The following LPA variants were observed in gnomAD, a reference collection of about 807,000 sequenced individuals.
LPA encodes the protein lipoprotein(a), also known as apolipoprotein(a).
A neutral mutation model predicts 197.9 loss-of-function variants in LPA; 199 were observed. The ratio of observed to expected loss-of-function variants is 1.01; its 90% confidence interval spans 0.90 to 1.13. The LOEUF is 1.13. Ranked by LOEUF, LPA falls within the 50% of genes most tolerant of loss-of-function variation. The pLI is 0.00. For synonymous variants in LPA, 715 were observed against 639.5 expected, an observed-to-expected ratio of 1.12 and a Z score of -1.78; for missense variants, 1,853 against 1,785.8, an observed-to-expected ratio of 1.04 and a Z score of -0.68.
At chr6:160,534,027 C>T (rs575731194) in intron 37 of LPA, among the ~76,000 whole-genome samples, 2 of 152,280 alleles carry the variant, frequency 1.3e-5, no homozygotes, top group South Asian at 4.2e-4. Context: ...CAGGCTAGAA[C>T]TGAGGCACTC....
intron 25 of LPA, 73 bp from the exon 26 acceptor site, chr6:160,585,278 A>T: frequency 1.4e-6 from 2 of 1,414,484 alleles, no homozygotes; most frequent in South Asian, 1.1e-5. Context: ...ATGACACACA[A>T]AGTGGAATAA....
At chr6:160,566,371 A>G (rs543895576) in intron 28 of LPA, among the ~76,000 whole-genome samples, 192 of 152,362 alleles carry the variant, frequency 1.3e-3, no homozygotes, top group Non-Finnish European at 2.2e-3. Context: ...TCAACTGAGA[A>G]TATCATATCC....
intron 28 of LPA, among the ~76,000 whole-genome samples, chr6:160,573,259 GGT>G (rs1778594593): frequency 1.3e-5 from 2 of 151,852 alleles, no homozygotes. Flanking sequence ...CATTTCCAAA[GGT>G]GTGTCCAAAG....
intron 23 of LPA, 38 bp downstream of exon 23, chr6:160,590,906 C>T (rs776472721): frequency 1.7e-5 from 28 of 1,613,376 alleles, no homozygotes; most frequent in East Asian, 4.5e-5. Flanking sequence ...TTTATCCCAA[C>T]GTCCAAGGGT....
chr6:160,548,834 C>A (rs1197963616), intron 30 of LPA, among the ~76,000 whole-genome samples, 175 bp from the exon 31 acceptor site: 1 of 152,134 alleles, frequency 6.6e-6, no homozygotes, highest in Admixed American at 6.5e-5. Context: ...TTTGTGCATG[C>A]CTTTCAAAGA....
intron 22 of LPA, among the ~76,000 whole-genome samples, chr6:160,593,146 C>G (rs1440531548): frequency 6.6e-6 from 1 of 152,080 alleles, no homozygotes; most frequent in Non-Finnish European, 1.5e-5. Flanking sequence ...AAACTCCAGT[C>G]TCTCTCCTCA....
intron 28 of LPA, among the ~76,000 whole-genome samples, chr6:160,560,333 CT>C (rs1385449163): frequency 6.6e-6 from 1 of 152,090 alleles, no homozygotes; most frequent in Non-Finnish European, 1.5e-5. Context: ...TCAAATGGTA[CT>C]TCTGGTTCTA....
At chr6:160,555,242 AT>A (rs1778234951) in intron 30 of LPA, among the ~76,000 whole-genome samples, 1 of 76,886 alleles carries the variant, frequency 1.3e-5, no homozygotes, top group African/African-American at 5.7e-5. Context: ...TATATTAATT[AT>A]ATTATATTAT....
At position 160,595,498 on chromosome 6, in the gene LPA, C is replaced by T. The variant is rs754922180; in HGVS notation, c.3325G>A (p.Glu1109Lys). Residue 1109 changes from glutamate to lysine, a missense_variant, in exon 21 of 39, where the codon GAG (glutamate) becomes AAG (lysine). Physicochemically the swap from Glu to Lys is moderately conservative, Grantham distance 56. Coordinates refer to ENST00000316300, the MANE Select transcript of LPA (RefSeq NM_005577.4). The part of the protein sequence containing the change: ...TRNYCRNPDA[E>K]IRPWCYTMDP... ...ATGGTGTAACACCAAGGGCGAATCT[C>T]AGCATCTGGATTCCTGCAGTAGTTC... is the stretch of plus-strand genomic sequence containing the variant. 8 of 1,614,016 alleles carry T rather than the reference C, an allele frequency of 5.0e-6. No homozygotes were observed. The highest frequency in any genetic ancestry group is 3.3e-5 in the Admixed American group (2 of 60,018).
intron 37 of LPA, among the ~76,000 whole-genome samples, chr6:160,535,402 A>G (rs991337721): frequency 1.5e-5 from 1 of 65,866 alleles, no homozygotes; most frequent in Non-Finnish European, 3.1e-5. Flanking sequence ...TCATGCTGAT[A>G]GTAGTGGGAC....
At chr6:160,605,294 C>G in intron 17 of LPA, 89 bp from the exon 18 acceptor site, 1 of 1,481,326 alleles carries the variant, frequency 6.8e-7, no homozygotes, top group Non-Finnish European at 9.3e-7. Flanking sequence ...AGAAAAAAGT[C>G]TCTGAGAATT....
Position 160,545,493 on chromosome 6 carries a change from C to G in LPA, c.5345G>C (p.Cys1782Ser). ...NPDGDINGPW[C>S]YTMNPRKLFD... The stretch of plus-strand genomic sequence containing the variant: ...AAGTTTTCTTGGATTCATTGTGTAG[C>G]ACCAGGGACCATTGATGTCACCATC... Residue 1782 changes from cysteine to serine, a missense_variant, in exon 33 of 39, where the codon TGC becomes TCC. This residue lies in a region of LPA where 1,737 missense variants were observed against 1,504.4 expected (regional missense o/e 1.15). Coordinates refer to ENST00000316300, the MANE Select transcript of LPA (RefSeq NM_005577.4). The G allele has an allele frequency of 6.2e-7, 1 of 1,613,324 alleles. No individual in the cohort carries two copies. Among genetic ancestry groups the G allele is most frequent in the Non-Finnish European group, 8.5e-7 (1 of 1,179,640 alleles).
At chr6:160,611,228 G>A (rs1243124343) in intron 16 of LPA, among the ~76,000 whole-genome samples, 1 of 152,092 alleles carries the variant, frequency 6.6e-6, no homozygotes, top group African/African-American at 2.4e-5. Context: ...TCAGAATAAC[G>A]GAATTCCAAC....
Position 160,585,215 on chromosome 6 carries a change from A to G in LPA, c.4130-10T>C, listed in dbSNP as rs761151532. ...CTGTTTTCAGTTGGTGCTGAAATTA[A>G]AAGAGAAAATCAAGCTCAGTATTGC... On this transcript the variant is annotated splice_polypyrimidine_tract_variant and intron_variant, in intron 25 of 38. Coordinates refer to ENST00000316300, the MANE Select transcript of LPA (RefSeq NM_005577.4). 1.4e-5 allele frequency: 22 copies of G among 1,613,592 alleles called. No individual in the cohort carries two copies. In the South Asian group the frequency reaches 2.4e-4, roughly 18 times the overall value.
intron 26 of LPA, among the ~76,000 whole-genome samples, chr6:160,579,878 T>C (rs1256568705): frequency 6.6e-6 from 1 of 152,188 alleles, no homozygotes; most frequent in African/African-American, 2.4e-5. Context: ...GCTCTGTTTT[T>C]CAGTTGAGTA....
chr6:160,606,743 G>C lies in LPA; in HGVS notation c.2604-85C>G, dbSNP rs185843312. On this transcript the variant is annotated intron_variant, in intron 16 of 38. Transcript: ENST00000316300. ...CACCCTCTCCTTTGTGCTGCAACAA[G>C]GTCATTACCAGTGCCTTTCTAATAT... 1.2e-5 allele frequency: 19 copies of C among 1,548,356 alleles called. No individual in the cohort carries two copies. In the African/African-American group the frequency reaches 2.5e-4, roughly 20 times the overall value.
intron 34 of LPA, 53 bp from the exon 35 acceptor site, chr6:160,541,234 T>A: frequency 7.8e-7 from 1 of 1,274,072 alleles, no homozygotes; most frequent in Non-Finnish European, 1.1e-6. Flanking sequence ...TTGTTCTACT[T>A]CATTGTACAG....
At chr6:160,591,667 G>A (rs1008503793) in intron 22 of LPA, among the ~76,000 whole-genome samples, 6 of 152,120 alleles carry the variant, frequency 3.9e-5, no homozygotes, top group Non-Finnish European at 5.9e-5. Context: ...CCTCTCCCCT[G>A]TTACTTCAAA....
At position 160,589,022 on chromosome 6, in the gene LPA, C is replaced by T. The variant is rs541637503; in HGVS notation, c.3947+531G>A. Among the ~76,000 whole-genome samples the T allele has an allele frequency of 5.1e-4, 77 of 152,364 alleles. 2 individuals carry two copies. Among genetic ancestry groups the T allele is most frequent in the African/African-American group, 1.8e-3 (73 of 41,594 alleles). On this transcript the variant is annotated intron_variant, in intron 24 of 38. Coordinates refer to ENST00000316300, the MANE Select transcript of LPA (RefSeq NM_005577.4). ...ATACTTCCTGACTCTCAGCTGCCTTCCTCCTTTTGCCCCTCATGGGCTGGC... is the reference window on the plus strand; with the variant it reads ...ATACTTCCTGACTCTCAGCTGCCTTTCTCCTTTTGCCCCTCATGGGCTGGC...
Sources: allele counts gnomAD v4.1 joint callset (sites outside exome capture counted in the v4.1 genomes callset), GRCh38; gene constraint gnomAD v4.1.1; regional missense constraint gnomAD v4.1.1; transcripts MANE v1.5; gene names NCBI Gene and HGNC (gene_info 2026-07-23, HGNC 2026-07-21).